The following ADAM19 variants were observed in gnomAD, a reference collection of about 807,000 sequenced individuals.
ADAM19 encodes ADAM metallopeptidase domain 19.
Under a neutral mutation model 114.7 loss-of-function variants are expected in ADAM19, and 65 were observed. The ratio of observed to expected loss-of-function variants is 0.57; its 90% CI spans 0.46 to 0.70. The LOEUF (loss-of-function observed/expected upper bound fraction) is 0.70, where lower values mean the gene tolerates loss of function less well. Among genes scored for constraint, ADAM19 ranks in the 30% least tolerant of loss-of-function variants. The probability of loss-of-function intolerance (pLI) is 0.00; values close to 1 mark genes in which losing one functional copy is unlikely to be tolerated. For synonymous variants in ADAM19, 466 were observed against 460.5 expected (o/e 1.01, Z -0.15); for missense variants, 1,063 against 1,204.7 (o/e 0.88, Z 1.74).
At chr5:157,551,430 A>AG (rs1757194482) in intron 3 of ADAM19, among the ~76,000 whole-genome samples, 2 of 150,976 alleles carry the variant, frequency 1.3e-5, no homozygotes, top group Non-Finnish European at 1.5e-5. Context: ...AAAAAAAAAA[A>AG]AGACCAAAAA....
intron 4 of ADAM19, among the ~76,000 whole-genome samples, chr5:157,536,168 G>A (rs187147011): frequency 1.1e-3 from 162 of 152,268 alleles, no homozygotes; most frequent in African/African-American, 3.8e-3. Flanking sequence ...CACAGCCCCT[G>A]AGCTACCCAG....
intron 15 of ADAM19, among the ~76,000 whole-genome samples, chr5:157,494,175 G>A (rs995051009): frequency 6.6e-6 from 1 of 151,844 alleles, no homozygotes. Context: ...CAGATGGATG[G>A]ATGGATGGAT....
intron 21 of ADAM19, 111 bp from the exon 22 acceptor site, chr5:157,482,054 G>T (rs1376903072): frequency 1.5e-5 from 13 of 872,524 alleles, no homozygotes; most frequent in Middle Eastern, 2.4e-4. Context: ...ATACTGTATG[G>T]TCCCATTTAG....
chr5:157,511,152 T>G (rs920146299), intron 8 of ADAM19, among the ~76,000 whole-genome samples: 2 of 152,234 alleles, frequency 1.3e-5, no homozygotes, highest in African/African-American at 4.8e-5. Flanking sequence ...TACAACGGGT[T>G]CTTTGATGGG....
At chr5:157,547,800 T>C (rs964952858) in intron 3 of ADAM19, among the ~76,000 whole-genome samples, 5 of 152,230 alleles carry the variant, frequency 3.3e-5, no homozygotes, top group African/African-American at 9.6e-5. Context: ...ATCTATCCTC[T>C]TCTCTTTATA....
rs1220257399 is a variant in ADAM19 at position 157,478,775 on chromosome 5, A to C, written c.*2174T>G. 13 of 985,722 alleles carry C rather than the reference A, an allele frequency of 1.3e-5. No homozygotes were observed. Among genetic ancestry groups the C allele is most frequent in the African/African-American group, 1.7e-5 (1 of 57,214 alleles). 61.1% of individuals were successfully genotyped at this position (985,722 alleles called of 1,614,324 possible). A position where few individuals can be genotyped will look rare whatever the true frequency, so the allele number is the denominator to read the frequency against. On this transcript the variant is annotated 3_prime_UTR_variant, in exon 23 of 23. Coordinates refer to ENST00000257527, the MANE Select transcript of ADAM19 (RefSeq NM_033274.5). The stretch of plus-strand genomic sequence containing the variant: ...ATATGAAAATAATAAAACAAAACAA[A>C]ACAAAAAGCAAGAAAACGACAACCC...
chr5:157,547,853 T>G (rs1757090898), intron 3 of ADAM19, among the ~76,000 whole-genome samples: 1 of 152,202 alleles, frequency 6.6e-6, no homozygotes, highest in South Asian at 2.1e-4. Flanking sequence ...AAATGCGTTT[T>G]GGATGCTGTC....
rs1198979520 is a variant in ADAM19, at chr5:157,479,626, G to A, written c.*1323C>T. The A allele has an allele frequency of 1.0e-6, 1 of 985,826 alleles. No homozygotes were observed. Among genetic ancestry groups the A allele is most frequent in the Non-Finnish European group, 1.2e-6 (1 of 830,024 alleles). The allele number at this position is 985,826 out of a possible 1,614,324, so 61.1% of individuals were successfully genotyped here. A position where few individuals can be genotyped will look rare whatever the true frequency, so the allele number is the denominator to read the frequency against. On this transcript the variant is annotated 3_prime_UTR_variant, in exon 23 of 23. Transcript: ENST00000257527. The stretch of plus-strand genomic sequence containing the variant: ...CACCTGCTCAGAGCTCTCTTTCTGT[G>A]AGGGTCAGGTAAGGGCAGTGACCAG...
At position 157,530,224 on chromosome 5, in the gene ADAM19, T is replaced by G. The variant is rs569129058; in HGVS notation, c.407+583A>C. 4.3e-4 allele frequency among the ~76,000 whole-genome samples: 51 copies of G among 117,988 alleles called. 1 individual carries two copies. Among genetic ancestry groups the G allele is most frequent in the African/African-American group, 1.8e-3 (49 of 27,094 alleles). The allele number at this position is 117,988 out of a possible 152,430, so 77.4% of individuals were successfully genotyped here. Reference sequence around the variant, plus strand: ...GAGTCCATACCCTAGCCATTTATTTTATGGGCACTCTCACCCTCTGGGCCA... The same window carrying G: ...GAGTCCATACCCTAGCCATTTATTTGATGGGCACTCTCACCCTCTGGGCCA... On this transcript the variant is annotated intron_variant, in intron 5 of 22. Transcript: ENST00000257527.
At chr5:157,508,742 T>A (rs1420434876) in intron 9 of ADAM19, among the ~76,000 whole-genome samples, 2 of 152,148 alleles carry the variant, frequency 1.3e-5, no homozygotes, top group Admixed American at 6.6e-5. Flanking sequence ...GTGACCCCCA[T>A]CACTGTCTCT....
At chr5:157,556,509 A>G (rs1436857832) in intron 3 of ADAM19, among the ~76,000 whole-genome samples, 2 of 152,054 alleles carry the variant, frequency 1.3e-5, no homozygotes, top group Admixed American at 6.5e-5. Context: ...GTGAGCCACC[A>G]TGCCCGGCCT....
rs1414387612 is a variant in ADAM19, at chr5:157,519,879, GCCCAGT to G, written c.554_559del (p.Asp185_Trp186del). ...CTTGGTCTGTTGTGTAAACTGAAGA[GCCCAGT>G]CCCTGGTGGTGGGCTTGGAGTGCTC... On this transcript the variant is annotated inframe_deletion, in exon 6 of 23. Transcript: ENST00000257527. 1 of 1,614,082 alleles carries G rather than the reference GCCCAGT, an allele frequency of 6.2e-7. No individual in the cohort carries two copies. Among genetic ancestry groups the G allele is most frequent in the East Asian group, 2.2e-5 (1 of 44,874 alleles).
intron 5 of ADAM19, among the ~76,000 whole-genome samples, chr5:157,521,870 T>C (rs892128854): frequency 2.6e-5 from 4 of 152,142 alleles, no homozygotes; most frequent in Non-Finnish European, 5.9e-5. Context: ...GGCTACACAC[T>C]TTGGGAACAC....
intron 1 of ADAM19, among the ~76,000 whole-genome samples, chr5:157,571,538 C>T (rs181072290): frequency 2.0e-5 from 3 of 152,222 alleles, no homozygotes; most frequent in Admixed American, 1.3e-4. Context: ...GCAGAGACCA[C>T]GGAGAGTGTC....
intron 3 of ADAM19, among the ~76,000 whole-genome samples, chr5:157,551,237 T>C (rs1184972712): frequency 6.6e-6 from 1 of 151,778 alleles, no homozygotes; most frequent in Non-Finnish European, 1.5e-5. Flanking sequence ...AAATCCTGTC[T>C]CTACTAAAAA....
Position 157,479,174 on chromosome 5 carries a change from C to T in ADAM19, c.*1775G>A. ...ATGGGGAACCTGTATCACAGCCACC[C>T]TGAGGGAAGAGAAACTCATTTTCCT... On this transcript the variant is annotated 3_prime_UTR_variant, in exon 23 of 23. Transcript: ENST00000257527. 1.0e-6 allele frequency: 1 copy of T among 985,916 alleles called. No individual in the cohort carries two copies. Among genetic ancestry groups the T allele is most frequent in the Non-Finnish European group, 1.2e-6 (1 of 829,966 alleles). 61.1% of individuals were successfully genotyped at this position (985,916 alleles called of 1,614,324 possible).
At chr5:157,483,260 G>A (rs537633562) in intron 21 of ADAM19, among the ~76,000 whole-genome samples, 20 of 152,210 alleles carry the variant, frequency 1.3e-4, no homozygotes, top group African/African-American at 4.8e-4. Flanking sequence ...TACTTCTTCT[G>A]ACCTATGTTA....
At position 157,490,379 on chromosome 5, in the gene ADAM19, C is replaced by T. The variant is rs143138819; in HGVS notation, c.2171G>A (p.Cys724Tyr). The change falls in exon 19 of 23, where the codon TGC becomes TAC. Residue 724 changes from cysteine to tyrosine, a missense_variant. Physicochemically the swap from Cys to Tyr is radical, Grantham distance 194. Transcript: ENST00000257527. ...LAVLMLMYYCCRQNNKLGQLK... is the reference protein window; with the variant it reads ...LAVLMLMYYCYRQNNKLGQLK... ...TTGGCCTAGTTTGTTGTTCTGTCTGCAGCAGTAGTACATCAGCATGAGGAC... is the reference window on the plus strand; with the variant it reads ...TTGGCCTAGTTTGTTGTTCTGTCTGTAGCAGTAGTACATCAGCATGAGGAC... 3.7e-6 allele frequency: 6 copies of T among 1,614,022 alleles called. No individual in the cohort carries two copies. In the African/African-American group the frequency reaches 8.0e-5, roughly 22 times the overall value.
intron 9 of ADAM19, among the ~76,000 whole-genome samples, chr5:157,507,351 A>T (rs1416750811): frequency 6.6e-6 from 1 of 152,246 alleles, no homozygotes; most frequent in Non-Finnish European, 1.5e-5. Context: ...TCATGACTCC[A>T]GAGGAACACA....
Sources: gnomAD v4.1 joint callset for allele counts (sites outside exome capture counted in the v4.1 genomes callset) on GRCh38, gnomAD v4.1.1 for gene constraint, MANE v1.5 for transcripts, NCBI Gene and HGNC (gene_info 2026-07-23, HGNC 2026-07-21) for gene names.